The following SCML2 variants were observed in gnomAD, a reference collection of about 807,000 sequenced individuals.
SCML2 encodes Scm polycomb group protein like 2, also known as sex comb on midleg-like protein 2.
A neutral mutation model predicts 48.4 loss-of-function variants in SCML2; 6 were observed. The observed-to-expected ratio is 0.12, with a 90% confidence interval of 0.07 to 0.24. The LOEUF (loss-of-function observed/expected upper bound fraction) is 0.24. Among genes scored for constraint, SCML2 ranks in the 10% least tolerant of loss-of-function variants. The pLI is 1.00. For missense variants in SCML2, 377 were observed against 528.2 expected (o/e 0.71, Z 2.81); for synonymous variants, 181 against 189.5 (o/e 0.95, Z 0.37).
chrX:18,286,034 T>G (rs1047001227), intron 7 of SCML2, among the ~76,000 whole-genome samples: 1 of 112,129 alleles, frequency 8.9e-6, no homozygotes, highest in Non-Finnish European at 1.9e-5. Flanking sequence ...CAATTAAAAT[T>G]TGATTTTTAA....
intron 7 of SCML2, among the ~76,000 whole-genome samples, chrX:18,295,085 C>A (rs1928351601): frequency 9.0e-6 from 1 of 111,491 alleles, no homozygotes; most frequent in Non-Finnish European, 1.9e-5. Context: ...AAAGCACATG[C>A]CCCCACCAGG....
rs190895508 is a variant in SCML2 at position 18,254,784 on chromosome X, C to T, written c.1456+2064G>A. Among the ~76,000 whole-genome samples, 310 of 110,786 alleles carry T rather than the reference C, an allele frequency of 2.8e-3. 1 individual carries two copies. The highest frequency in any genetic ancestry group is 9.0e-3 in the Admixed American group (93 of 10,387). ...ACTAAAAATACAAAAATTAGCCAGG[C>T]GTGGTGGCAGGTACCTGCAATCCCA... On this transcript the variant is annotated intron_variant, in intron 11 of 14. Transcript: ENST00000251900.
chrX:18,259,768 G>A (rs1926992306), intron 9 of SCML2, among the ~76,000 whole-genome samples: 1 of 111,938 alleles, frequency 8.9e-6, no homozygotes, highest in South Asian at 3.7e-4. Context: ...AAAAAGTCCA[G>A]GGAATAGGAG....
chrX:18,256,682 C>T lies in SCML2; in HGVS notation c.1456+166G>A, dbSNP rs1309258755. Among the ~76,000 whole-genome samples, 3 of 109,630 alleles carry T rather than the reference C, an allele frequency of 2.7e-5. No homozygotes were observed. The East Asian group carries it at 8.5e-4, about 31-fold the overall frequency. ...TTGATTCTGAAGTTCATTATGAATACAAGAAATTACTTTCCTATTTTGAAT... is the reference window on the plus strand; with the variant it reads ...TTGATTCTGAAGTTCATTATGAATATAAGAAATTACTTTCCTATTTTGAAT... On this transcript the variant is annotated intron_variant, in intron 11 of 14. Coordinates refer to ENST00000251900, the MANE Select transcript of SCML2 (RefSeq NM_006089.3).
In SCML2 at chrX:18,282,042, G is replaced by C. The variant is rs768148188; in HGVS notation, c.731-16240C>G. On this transcript the variant is annotated intron_variant, in intron 7 of 14. Coordinates refer to ENST00000251900, the MANE Select transcript of SCML2 (RefSeq NM_006089.3). ...GGAGGCTGAGGCAAGGGAATCACTT[G>C]AACCCAGGAGGCAGAGGTTGCAGTG... Among the ~76,000 whole-genome samples, 9 of 110,419 alleles carry C rather than the reference G, an allele frequency of 8.2e-5. No homozygotes were observed. In the South Asian group the frequency reaches 3.1e-3, roughly 38 times the overall value.
At chrX:18,320,801 G>A (rs1929289967) in intron 5 of SCML2, among the ~76,000 whole-genome samples, 1 of 111,280 alleles carries the variant, frequency 9.0e-6, no homozygotes, top group Non-Finnish European at 1.9e-5. Flanking sequence ...TTTCCTCAGG[G>A]CCCCAGGCTT....
intron 11 of SCML2, among the ~76,000 whole-genome samples, chrX:18,254,916 T>G (rs1391442510): frequency 1.8e-5 from 2 of 111,055 alleles, no homozygotes; most frequent in Non-Finnish European, 3.8e-5. Context: ...AGACTGAGAC[T>G]CTGTGTCCAA....
At chrX:18,279,261 G>A (rs1356185730) in intron 7 of SCML2, among the ~76,000 whole-genome samples, 8 of 112,496 alleles carry the variant, frequency 7.1e-5, no homozygotes, top group South Asian at 3.6e-4. Context: ...ACTACAAAAC[G>A]AAAAATTATT....
intron 3 of SCML2, among the ~76,000 whole-genome samples, chrX:18,327,521 AATGAC>A (rs1182513300): frequency 3.6e-5 from 4 of 112,331 alleles, no homozygotes; most frequent in Non-Finnish European, 7.5e-5. Flanking sequence ...TCCATAAACC[AATGAC>A]ATTTGTAAAA....
intron 1 of SCML2, among the ~76,000 whole-genome samples, chrX:18,336,085 T>C (rs930004983): frequency 3.6e-5 from 4 of 111,539 alleles, no homozygotes; most frequent in Non-Finnish European, 7.5e-5. Context: ...CACAAATATT[T>C]GGTCAATTGA....
At chrX:18,241,497 T>A in intron 14 of SCML2, 118 bp from the exon 15 acceptor site, 4 of 426,978 alleles carry the variant, frequency 9.4e-6, no homozygotes, top group African/African-American at 2.5e-5. Flanking sequence ...TGAATATGCT[T>A]TATTTCCTGA....
At chrX:18,270,936 C>T (rs1043809142) in intron 7 of SCML2, among the ~76,000 whole-genome samples, 2 of 111,569 alleles carry the variant, frequency 1.8e-5, no homozygotes, top group Non-Finnish European at 3.8e-5. Context: ...TTTATGTAAA[C>T]AACCAACACA....
At chrX:18,243,289 T>C (rs1363353339) in intron 13 of SCML2, among the ~76,000 whole-genome samples, 1 of 111,206 alleles carries the variant, frequency 9.0e-6, no homozygotes, top group Non-Finnish European at 1.9e-5. Flanking sequence ...CCCAGGCTGG[T>C]CTCAAACTCC....
intron 7 of SCML2, among the ~76,000 whole-genome samples, chrX:18,304,245 T>C (rs982858583): frequency 5.4e-5 from 6 of 111,571 alleles, no homozygotes; most frequent in African/African-American, 1.6e-4. Flanking sequence ...AGGCCAATGA[T>C]TGGGTTCTAT....
intron 5 of SCML2, 93 bp downstream of exon 5, chrX:18,323,766 C>T: frequency 3.1e-6 from 2 of 643,335 alleles, no homozygotes; most frequent in Non-Finnish European, 5.0e-6. Context: ...TGCAAGAATG[C>T]CCAAGAAAAT....
chrX:18,291,043 A>AG (rs1207177662), intron 7 of SCML2, among the ~76,000 whole-genome samples: 5 of 111,887 alleles, frequency 4.5e-5, no homozygotes, highest in African/African-American at 6.5e-5. Flanking sequence ...GATACAGAAG[A>AG]GGGGGGAGCA....
At chrX:18,267,329 C>T (rs1363097980) in intron 7 of SCML2, among the ~76,000 whole-genome samples, 1 of 111,403 alleles carries the variant, frequency 9.0e-6, no homozygotes, top group Non-Finnish European at 1.9e-5. Context: ...TCTGGCTTTG[C>T]TTTACTCTCT....
At chrX:18,302,251 G>A (rs1928616460) in intron 7 of SCML2, among the ~76,000 whole-genome samples, 1 of 110,601 alleles carries the variant, frequency 9.0e-6, no homozygotes, top group Non-Finnish European at 1.9e-5. Flanking sequence ...GACCGCTAAC[G>A]AGTTCTCCTC....
chrX:18,303,624 T>G (rs1363412384), intron 7 of SCML2, among the ~76,000 whole-genome samples: 1 of 108,356 alleles, frequency 9.2e-6, no homozygotes, highest in African/African-American at 3.3e-5. Flanking sequence ...TATGCCTCCA[T>G]GCATCCCTCT....
Sources: allele counts gnomAD v4.1 joint callset (sites outside exome capture counted in the v4.1 genomes callset), GRCh38; gene constraint gnomAD v4.1.1; transcripts MANE v1.5; gene names NCBI Gene and HGNC (gene_info 2026-07-23, HGNC 2026-07-21).